Variants in AKAP10 observed in about 807,000 individuals in gnomAD.
AKAP10 encodes A-kinase anchoring protein 10.
In AKAP10, 24 loss-of-function variants were observed where a neutral mutation model predicts 80.8. The observed-to-expected ratio is 0.30, with a 90% CI of 0.22 to 0.42. The LOEUF is 0.42. Among genes scored for constraint, AKAP10 ranks in the 10% least tolerant of loss-of-function variants. The probability of loss-of-function intolerance (pLI) is 1.00; values close to 1 mark genes in which losing one functional copy is unlikely to be tolerated. For missense variants in AKAP10, 661 were observed against 794.9 expected, an observed-to-expected ratio of 0.83 and a Z score of 2.03; for synonymous variants, 291 against 277.7, an observed-to-expected ratio of 1.05 and a Z score of -0.48.
At position 19,931,790 on chromosome 17, in the gene AKAP10, G is replaced by A. The variant is rs376515985; in HGVS notation, c.1641+15C>T. The A allele has an allele frequency of 7.1e-5, 114 of 1,603,570 alleles. No homozygotes were observed. Among genetic ancestry groups the A allele is most frequent in the Non-Finnish European group, 7.4e-5 (87 of 1,175,440 alleles). ...TATGCTTTTCTCCCTAATGGCAGAC[G>A]CAATCAGTCAATACCTGAGACGCAG... On this transcript the variant is annotated intron_variant, in intron 10 of 14. Coordinates refer to ENST00000225737, the MANE Select transcript of AKAP10 (RefSeq NM_007202.4).
At chr17:19,920,447 A>C (rs1203834446) in intron 11 of AKAP10, among the ~76,000 whole-genome samples, 1 of 152,238 alleles carries the variant, frequency 6.6e-6, no homozygotes, top group African/African-American at 2.4e-5. Flanking sequence ...CCCAAAAGGT[A>C]GGCCTTGCTC....
intron 13 of AKAP10, 63 bp downstream of exon 13, chr17:19,909,863 C>T: frequency 6.6e-7 from 1 of 1,512,942 alleles, no homozygotes; most frequent in Non-Finnish European, 9.1e-7. Flanking sequence ...AAATTTTAAA[C>T]CTCACTTACA....
At chr17:19,944,150 G>A (rs1201534934) in intron 5 of AKAP10, among the ~76,000 whole-genome samples, 8 of 151,840 alleles carry the variant, frequency 5.3e-5, no homozygotes, top group Non-Finnish European at 7.4e-5. Context: ...ATCTCTACCC[G>A]TGTACTGCAT....
intron 4 of AKAP10, 130 bp from the exon 5 acceptor site, chr17:19,947,635 GC>G: frequency 1.4e-6 from 1 of 726,388 alleles, no homozygotes; most frequent in Non-Finnish European, 2.4e-6. Context: ...TCACAAAGGT[GC>G]TTTTTCATTG....
At chr17:19,943,922 A>G (rs1192670702) in intron 5 of AKAP10, among the ~76,000 whole-genome samples, 1 of 152,194 alleles carries the variant, frequency 6.6e-6, no homozygotes, top group Non-Finnish European at 1.5e-5. Context: ...CTGACAGGGA[A>G]AAAACCCCAC....
intron 4 of AKAP10, among the ~76,000 whole-genome samples, chr17:19,955,794 C>T (rs1379163754): frequency 6.6e-6 from 1 of 151,860 alleles, no homozygotes; most frequent in Admixed American, 6.6e-5. Context: ...GAGAGTACGT[C>T]ATTGCACTCC....
chr17:19,977,623 C>G lies in AKAP10; in HGVS notation c.57G>C (p.Pro19=). ...RQSPRTLRPD[P]GPAMSFFRRK... is the part of the protein sequence containing the mutation. ...GCCGGAAGAAGGACATGGCGGGGCCCGGGTCGGGACGGAGGGTGCGGGGGG... is the reference window on the plus strand; with the variant it reads ...GCCGGAAGAAGGACATGGCGGGGCCGGGGTCGGGACGGAGGGTGCGGGGGG... The change falls in exon 1 of 15, where the codon CCG becomes CCC. Residue 19 remains proline, a synonymous_variant. Coordinates refer to ENST00000225737, the MANE Select transcript of AKAP10 (RefSeq NM_007202.4). 2.4e-6 allele frequency: 3 copies of G among 1,235,070 alleles called. No individual in the cohort carries two copies. The highest frequency in any genetic ancestry group is 8.4e-5 in the Admixed American group (2 of 23,724). The allele number at this position is 1,235,070 out of a possible 1,614,324, so 76.5% of individuals were successfully genotyped here.
chr17:19,928,372 G>A (rs1017070712), intron 10 of AKAP10, among the ~76,000 whole-genome samples: 1 of 152,222 alleles, frequency 6.6e-6, no homozygotes, highest in African/African-American at 2.4e-5. Flanking sequence ...CCACACTGAA[G>A]TAGAACTTAT....
intron 5 of AKAP10, among the ~76,000 whole-genome samples, chr17:19,942,726 G>C (rs1337489785): frequency 6.6e-6 from 1 of 152,100 alleles, no homozygotes; most frequent in African/African-American, 2.4e-5. Flanking sequence ...GTTAAACATG[G>C]CTGGAAAAAC....
chr17:19,917,379 A>G (rs1162744435), intron 12 of AKAP10, among the ~76,000 whole-genome samples: 1 of 152,216 alleles, frequency 6.6e-6, no homozygotes, highest in Non-Finnish European at 1.5e-5. Flanking sequence ...GACACTGTAG[A>G]GTTCTTCCTG....
rs535050795 is a variant in AKAP10, at chr17:19,923,038, T to C, written c.1751+1370A>G. ...CATCCCTTAAGAATAACATCATCTT[T>C]GGGAATGAACTCATTTAGGTTTACT... is the stretch of plus-strand genomic sequence containing the variant. On this transcript the variant is annotated intron_variant, in intron 11 of 14. Coordinates refer to ENST00000225737, the MANE Select transcript of AKAP10 (RefSeq NM_007202.4). Among the ~76,000 whole-genome samples the C allele has an allele frequency of 1.3e-4, 20 of 152,350 alleles. 1 individual carries two copies. In the South Asian group the frequency reaches 4.1e-3, roughly 32 times the overall value.
chr17:19,939,755 T>C lies in AKAP10; in HGVS notation c.1280A>G (p.Asp427Gly). Residue 427 changes from aspartate (D) to glycine (G), a missense_variant, in exon 8 of 15, where the codon GAT (aspartate) becomes GGT (glycine). Physicochemically the swap from Asp to Gly is moderately conservative, Grantham distance 94. Coordinates refer to ENST00000225737, the MANE Select transcript of AKAP10 (RefSeq NM_007202.4). ...GGCATCATTCTGTGCCTCCTGTCCA[T>C]CATATTGGCCCTTTTTGGCAGCAAG... The part of the protein sequence containing the change: ...SQLAAKKGQY[D>G]GQEAQNDAMI... The C allele has an allele frequency of 6.2e-7, 1 of 1,614,050 alleles. No homozygotes were observed.
intron 13 of AKAP10, among the ~76,000 whole-genome samples, 197 bp downstream of exon 13, chr17:19,909,729 T>TAC (rs1466814920): frequency 4.6e-5 from 7 of 152,202 alleles, no homozygotes; most frequent in African/African-American, 1.7e-4. Context: ...TGACTGAAGA[T>TAC]ACCTTCACTG....
chr17:19,963,213 T>C (rs2043375025), intron 2 of AKAP10, among the ~76,000 whole-genome samples, 191 bp from the exon 3 acceptor site: 2 of 60,380 alleles, frequency 3.3e-5, no homozygotes, highest in African/African-American at 1.2e-4. Context: ...AAAACACTCT[T>C]TTTTTTTTTT....
chr17:19,967,450 G>C (rs998491098), intron 2 of AKAP10, among the ~76,000 whole-genome samples: 7 of 152,234 alleles, frequency 4.6e-5, no homozygotes, highest in African/African-American at 1.7e-4. Flanking sequence ...GCTCAGTTAA[G>C]AGTATTCTTC....
rs61148312 is a variant in AKAP10 at position 19,920,855 on chromosome 17, C to CAAAAAA, written c.1752-743_1752-738dup. Among the ~76,000 whole-genome samples the CAAAAAA allele has an allele frequency of 3.0e-3, 107 of 35,284 alleles. 2 individuals are homozygous for CAAAAAA. Among genetic ancestry groups the CAAAAAA allele is most frequent in the African/African-American group, 5.3e-3 (46 of 8,604 alleles). The allele number at this position is 35,284 out of a possible 152,430, so 23.1% of individuals were successfully genotyped here. A position where few individuals can be genotyped will look rare whatever the true frequency, so the allele number is the denominator to read the frequency against. ...TGGGCAACAGAGCAAGACTCTATCT[C>CAAAAAA]AAAAAAAAAAAAAAAAAAAAAAAAA... On this transcript the variant is annotated intron_variant, in intron 11 of 14. Coordinates refer to ENST00000225737, the MANE Select transcript of AKAP10 (RefSeq NM_007202.4).
At chr17:19,944,917 A>C (rs2043087368) in intron 5 of AKAP10, among the ~76,000 whole-genome samples, 3 of 152,208 alleles carry the variant, frequency 2.0e-5, no homozygotes, top group Admixed American at 6.5e-5. Context: ...GACTATGCAA[A>C]GTGGGTACAC....
chr17:19,947,241 T>C (rs2043144832), intron 5 of AKAP10, 166 bp downstream of exon 5: 1 of 613,842 alleles, frequency 1.6e-6, no homozygotes. Flanking sequence ...CCGAGAAACT[T>C]TTAAAGTGAG....
chr17:19,977,675 C>T lies in AKAP10; in HGVS notation c.5G>A (p.Arg2Lys). The T allele has an allele frequency of 8.1e-7, 1 of 1,235,498 alleles. No individual in the cohort carries two copies. The highest frequency in any genetic ancestry group is 3.2e-5 in the East Asian group (1 of 31,694). 76.5% of individuals were successfully genotyped at this position (1,235,498 alleles called of 1,614,324 possible). A position where few individuals can be genotyped will look rare whatever the true frequency, so the allele number is the denominator to read the frequency against. The change falls in exon 1 of 15, where the codon AGG becomes AAG. Residue 2 changes from arginine (R) to lysine (K), a missense_variant. Physicochemically the swap from Arg to Lys is conservative, Grantham distance 26. Transcript: ENST00000225737. ...CTGGCGCGGGGAGGGCCCGGCTCCC[C>T]TCATTCAGCAACCGGCCCGGACTTC... is the stretch of plus-strand genomic sequence containing the variant. MRGAGPSPRQSP... is the reference protein window; with the variant it reads MKGAGPSPRQSP...
Sources: gnomAD v4.1 joint callset for allele counts (sites outside exome capture counted in the v4.1 genomes callset) on GRCh38, gnomAD v4.1.1 for gene constraint, MANE v1.5 for transcripts, NCBI Gene and HGNC (gene_info 2026-07-23, HGNC 2026-07-21) for gene names.